SPOCK3: variants seen among roughly 807,000 people sequenced by gnomAD.
The protein encoded by SPOCK3 is testican-3.
A neutral mutation model predicts 56.6 loss-of-function variants in SPOCK3; 30 were observed. That is an observed-to-expected ratio of 0.53 (90% CI 0.40 to 0.72). SPOCK3 has a LOEUF of 0.72. Among genes scored for constraint, SPOCK3 ranks in the 30% least tolerant of loss-of-function variants. The pLI, the probability that SPOCK3 is intolerant of heterozygous loss-of-function variation, is 0.00. For missense variants in SPOCK3, 527 were observed against 530.0 expected (o/e 0.99, Z 0.06); for synonymous variants, 196 against 183.3 (o/e 1.07, Z -0.56).
At chr4:166,990,329 A>G (rs1747634679) in intron 4 of SPOCK3, among the ~76,000 whole-genome samples, 1 of 152,170 alleles carries the variant, frequency 6.6e-6, no homozygotes, top group South Asian at 2.1e-4. Flanking sequence ...ATGTTCTTAC[A>G]TGTATACATA....
chr4:167,090,023 C>A (rs551605799), intron 2 of SPOCK3, among the ~76,000 whole-genome samples: 1 of 152,100 alleles, frequency 6.6e-6, no homozygotes. Flanking sequence ...GGTATCCTTT[C>A]GGCAGCTGCA....
At chr4:167,204,544 G>A (rs1347240278) in intron 2 of SPOCK3, among the ~76,000 whole-genome samples, 1 of 151,916 alleles carries the variant, frequency 6.6e-6, no homozygotes, top group Non-Finnish European at 1.5e-5. Flanking sequence ...AACACCGTGG[G>A]GGGACCACCC....
intron 2 of SPOCK3, among the ~76,000 whole-genome samples, chr4:167,123,653 G>A (rs1762047408): frequency 1.3e-5 from 2 of 151,620 alleles, no homozygotes; most frequent in African/African-American, 4.9e-5. Context: ...AACACATGGC[G>A]TGTCTGCAGA....
intron 2 of SPOCK3, among the ~76,000 whole-genome samples, chr4:167,116,586 G>GTATATATATACATATATACTATATACA (rs1761369321): frequency 7.9e-6 from 1 of 126,632 alleles, no homozygotes; most frequent in African/African-American, 3.0e-5. Flanking sequence ...ATATAGTTTT[G>GTATATATATACATATATACTATATACA]TATATATATA....
intron 3 of SPOCK3, among the ~76,000 whole-genome samples, chr4:167,024,496 A>C (rs559855093): frequency 9.2e-5 from 14 of 152,194 alleles, no homozygotes; most frequent in African/African-American, 3.4e-4. Context: ...CCTGAGAGTT[A>C]ATTTTAACCC....
chr4:167,105,292 A>G (rs1010973589), intron 2 of SPOCK3, among the ~76,000 whole-genome samples: 1 of 151,942 alleles, frequency 6.6e-6, no homozygotes, highest in African/African-American at 2.4e-5. Context: ...AAAATTTTAA[A>G]CAGTGGAGGA....
chr4:166,922,494 A>G (rs1040739235), intron 4 of SPOCK3, among the ~76,000 whole-genome samples: 12 of 152,202 alleles, frequency 7.9e-5, no homozygotes, highest in African/African-American at 2.9e-4. Flanking sequence ...TCTAACAATC[A>G]CCTATATAGT....
intron 2 of SPOCK3, among the ~76,000 whole-genome samples, chr4:167,114,824 C>T (rs904742128): frequency 1.3e-5 from 2 of 151,902 alleles, no homozygotes; most frequent in African/African-American, 4.8e-5. Context: ...TAACCATGTG[C>T]TAAAGATAGT....
intron 2 of SPOCK3, among the ~76,000 whole-genome samples, chr4:167,147,822 T>A (rs1254642133): frequency 6.6e-6 from 1 of 151,918 alleles, no homozygotes; most frequent in Non-Finnish European, 1.5e-5. Flanking sequence ...GGGTGGGGAC[T>A]GGGGAAGGGA....
chr4:167,114,149 C>T (rs1262731695), intron 2 of SPOCK3, among the ~76,000 whole-genome samples: 2 of 152,102 alleles, frequency 1.3e-5, no homozygotes, highest in African/African-American at 2.4e-5. Context: ...CTAAAATAAA[C>T]GAGAGAGAGG....
At chr4:166,959,790 T>G (rs1000915523) in intron 4 of SPOCK3, among the ~76,000 whole-genome samples, 1 of 152,250 alleles carries the variant, frequency 6.6e-6, no homozygotes, top group African/African-American at 2.4e-5. Context: ...TAAAATTACA[T>G]TGACTATTTT....
At chr4:166,916,415 A>G (rs1737857119) in intron 4 of SPOCK3, among the ~76,000 whole-genome samples, 1 of 152,142 alleles carries the variant, frequency 6.6e-6, no homozygotes, top group African/African-American at 2.4e-5. Flanking sequence ...CTTTCACTCT[A>G]GTCTTCAATA....
intron 6 of SPOCK3, among the ~76,000 whole-genome samples, chr4:166,876,350 G>C (rs561199807): frequency 6.6e-6 from 1 of 152,118 alleles, no homozygotes; most frequent in Non-Finnish European, 1.5e-5. Context: ...TATGGCAATG[G>C]AATTTTTTCT....
At chr4:167,130,018 T>C (rs755151506) in intron 2 of SPOCK3, among the ~76,000 whole-genome samples, 2 of 152,142 alleles carry the variant, frequency 1.3e-5, no homozygotes, top group Non-Finnish European at 2.9e-5. Context: ...TAAGGTTAAT[T>C]AAAAAAATTT....
chr4:167,100,302 C>T (rs1471820581), intron 2 of SPOCK3, among the ~76,000 whole-genome samples: 2 of 152,060 alleles, frequency 1.3e-5, no homozygotes, highest in African/African-American at 4.8e-5. Flanking sequence ...TAGCTGCCAG[C>T]TTTCTCTTTT....
rs369877338 is a variant in SPOCK3 at position 166,735,053 on chromosome 4, G to C, written c.1170C>G (p.Gly390=). 1 of 1,601,912 alleles carries C rather than the reference G, an allele frequency of 6.2e-7. No individual in the cohort carries two copies. The highest frequency in any genetic ancestry group is 1.7e-5 in the Admixed American group (1 of 59,186). The change falls in exon 11 of 11, where the codon GGC becomes GGG. Residue 390 remains glycine (G), a synonymous_variant. Coordinates refer to ENST00000357545, the MANE Select transcript of SPOCK3 (RefSeq NM_001040159.2). ...DFEISGDFAS[G]DFHEWTDDED... The stretch of plus-strand genomic sequence containing the variant: ...CATCATCAGTCCATTCATGAAAATC[G>C]CCACTAGCAAAATCTCCGGAGATCT...
At chr4:167,146,524 C>T (rs768148447) in intron 2 of SPOCK3, among the ~76,000 whole-genome samples, 6 of 152,142 alleles carry the variant, frequency 3.9e-5, no homozygotes, top group Non-Finnish European at 7.3e-5. Flanking sequence ...CTCAGCACCA[C>T]ATCGCACTTA....
Position 167,027,455 on chromosome 4 carries a change from A to T in SPOCK3, c.236-26992T>A, listed in dbSNP as rs933349836. Among the ~76,000 whole-genome samples, 36 of 151,884 alleles carry T rather than the reference A, an allele frequency of 2.4e-4. 1 individual carries two copies. Among genetic ancestry groups the T allele is most frequent in the Non-Finnish European group, 4.1e-4 (28 of 67,954 alleles). On this transcript the variant is annotated intron_variant, in intron 3 of 10. Transcript: ENST00000357545. ...TTTGTTTGGGGATTTTCTTTGTACT[A>T]TTTAATAGTATATATAATTAAGACT... is the stretch of plus-strand genomic sequence containing the variant.
intron 2 of SPOCK3, among the ~76,000 whole-genome samples, chr4:167,143,087 A>G (rs977853849): frequency 6.6e-6 from 1 of 151,968 alleles, no homozygotes; most frequent in Non-Finnish European, 1.5e-5. Flanking sequence ...AGAGACAGAG[A>G]CTTATTTTAT....
Sources: allele counts gnomAD v4.1 joint callset (sites outside exome capture counted in the v4.1 genomes callset), GRCh38; gene constraint gnomAD v4.1.1; transcripts MANE v1.5; gene names NCBI Gene and HGNC (gene_info 2026-07-23, HGNC 2026-07-21).